The following COX7B2 variants were observed in gnomAD, a reference collection of about 807,000 sequenced individuals.
COX7B2 encodes the protein cytochrome c oxidase subunit 7B2, mitochondrial.
For synonymous variants in COX7B2, 37 were observed against 32.1 expected (o/e 1.15, Z -0.51); for missense variants, 109 against 95.9 (o/e 1.14, Z -0.57).
intron 2 of COX7B2, among the ~76,000 whole-genome samples, chr4:46,803,647 G>C (rs954046639): frequency 1.3e-5 from 2 of 151,796 alleles, no homozygotes; most frequent in Non-Finnish European, 2.9e-5. Flanking sequence ...TCTCAGATCA[G>C]GTGGACATTT....
intron 2 of COX7B2, among the ~76,000 whole-genome samples, chr4:46,844,345 C>T (rs988406681): frequency 1.4e-4 from 21 of 151,906 alleles, no homozygotes; most frequent in Non-Finnish European, 5.9e-5. Flanking sequence ...ACTCCAGACA[C>T]GGTCATGGAT....
At position 46,875,347 on chromosome 4, in the gene COX7B2, C is replaced by G. The variant is rs544484957; in HGVS notation, c.-104-30333G>C. On this transcript the variant is annotated intron_variant, in intron 1 of 2. Transcript: ENST00000355591. ...TAATTTTGCCCAGTAGCTTCTGGAG[C>G]CAGTTTTAACCCTTTGCATTTTTTC... Among the ~76,000 whole-genome samples the G allele has an allele frequency of 3.3e-5, 5 of 152,206 alleles. No homozygotes were observed. In the South Asian group the frequency reaches 1.0e-3, roughly 32 times the overall value.
chr4:46,743,360 A>G (rs936871625), intron 2 of COX7B2, among the ~76,000 whole-genome samples: 1 of 152,186 alleles, frequency 6.6e-6, no homozygotes, highest in African/African-American at 2.4e-5. Context: ...AAAAAGGACA[A>G]ACCTCTGAGA....
At chr4:46,873,324 T>C (rs1443525558) in intron 1 of COX7B2, among the ~76,000 whole-genome samples, 3 of 152,242 alleles carry the variant, frequency 2.0e-5, no homozygotes, top group Non-Finnish European at 4.4e-5. Flanking sequence ...TTTATAATCC[T>C]GTGGGTATAT....
intron 1 of COX7B2, among the ~76,000 whole-genome samples, chr4:46,895,577 C>A (rs540534216): frequency 1.3e-5 from 2 of 152,236 alleles, no homozygotes; most frequent in South Asian, 2.1e-4. Flanking sequence ...ATAATCTGTA[C>A]AACAAATCCG....
At chr4:46,771,764 C>T (rs561433574) in intron 2 of COX7B2, among the ~76,000 whole-genome samples, 1 of 152,024 alleles carries the variant, frequency 6.6e-6, no homozygotes, top group South Asian at 2.1e-4. Context: ...ACAACAATAA[C>T]AACAACAAAT....
At chr4:46,810,881 T>C (rs937658276) in intron 2 of COX7B2, among the ~76,000 whole-genome samples, 10 of 152,172 alleles carry the variant, frequency 6.6e-5, no homozygotes, top group Non-Finnish European at 1.2e-4. Flanking sequence ...GAAGTATTTC[T>C]CCTTTATTTC....
At chr4:46,794,225 C>T (rs971771714) in intron 2 of COX7B2, among the ~76,000 whole-genome samples, 8 of 152,042 alleles carry the variant, frequency 5.3e-5, no homozygotes, top group Non-Finnish European at 8.8e-5. Context: ...TGTGGGATAA[C>T]GGTGGAAGAA....
intron 1 of COX7B2, among the ~76,000 whole-genome samples, chr4:46,847,575 A>T (rs536443369): frequency 1.3e-5 from 2 of 152,082 alleles, no homozygotes; most frequent in South Asian, 4.2e-4. Context: ...CTATGAGATT[A>T]AAAAAAAGTC....
intron 1 of COX7B2, among the ~76,000 whole-genome samples, chr4:46,885,500 T>G (rs1245864518): frequency 6.6e-6 from 1 of 152,144 alleles, no homozygotes; most frequent in African/African-American, 2.4e-5. Context: ...CCTTACTGAT[T>G]TTGTTTATGA....
intron 1 of COX7B2, among the ~76,000 whole-genome samples, chr4:46,890,673 T>C (rs1183307169): frequency 6.6e-6 from 1 of 152,190 alleles, no homozygotes; most frequent in Non-Finnish European, 1.5e-5. Flanking sequence ...TATGAACATT[T>C]GGATAAAGAG....
intron 2 of COX7B2, among the ~76,000 whole-genome samples, chr4:46,839,041 T>C (rs1224190910): frequency 2.0e-5 from 3 of 152,066 alleles, no homozygotes; most frequent in Non-Finnish European, 4.4e-5. Context: ...ATTTTAGGAA[T>C]ATTTTCTCAT....
chr4:46,771,957 T>G (rs551657297), intron 2 of COX7B2, among the ~76,000 whole-genome samples: 5 of 152,166 alleles, frequency 3.3e-5, no homozygotes, highest in Non-Finnish European at 7.4e-5. Context: ...TATTTTTAAC[T>G]TTGGACTTTT....
At chr4:46,759,618 G>A (rs911813740) in intron 2 of COX7B2, among the ~76,000 whole-genome samples, 5 of 152,130 alleles carry the variant, frequency 3.3e-5, no homozygotes, top group Non-Finnish European at 7.4e-5. Context: ...CTGGTCATCA[G>A]AGAAATGCAA....
At chr4:46,830,453 A>AAT (rs1401543416) in intron 2 of COX7B2, among the ~76,000 whole-genome samples, 2 of 152,220 alleles carry the variant, frequency 1.3e-5, no homozygotes. Context: ...AAAAAGTTAA[A>AAT]ATGACTATTT....
chr4:46,807,182 C>A (rs1719045051), intron 2 of COX7B2, among the ~76,000 whole-genome samples: 1 of 151,738 alleles, frequency 6.6e-6, no homozygotes, highest in African/African-American at 2.4e-5. Flanking sequence ...TATTTGTTAT[C>A]TTTTGTTTTT....
At chr4:46,858,291 T>A (rs1717124080) in intron 1 of COX7B2, among the ~76,000 whole-genome samples, 1 of 152,052 alleles carries the variant, frequency 6.6e-6, no homozygotes, top group South Asian at 2.1e-4. Context: ...ATGGGGGGGT[T>A]CGCCATATTG....
rs185313206 is a variant in COX7B2 at position 46,875,002 on chromosome 4, C to T, written c.-104-29988G>A. On this transcript the variant is annotated intron_variant, in intron 1 of 2. Transcript: ENST00000355591. ...CACCTAGTACTGCTTATTAAAAATG[C>T]TTCACACCTCCCCCTTTGTTTCCAG... Among the ~76,000 whole-genome samples the T allele has an allele frequency of 3.6e-3, 546 of 152,230 alleles. 1 individual carries two copies. Among genetic ancestry groups the T allele is most frequent in the Non-Finnish European group, 5.4e-3 (370 of 68,014 alleles).
chr4:46,783,002 T>C (rs1202619266), intron 2 of COX7B2, among the ~76,000 whole-genome samples: 1 of 152,228 alleles, frequency 6.6e-6, no homozygotes, highest in Non-Finnish European at 1.5e-5. Context: ...TTTGGCTTAA[T>C]TCTTTATTCA....
Sources: allele counts gnomAD v4.1 joint callset (sites outside exome capture counted in the v4.1 genomes callset), GRCh38; gene constraint gnomAD v4.1.1; transcripts MANE v1.5; gene names NCBI Gene and HGNC (gene_info 2026-07-23, HGNC 2026-07-21).